Variants in MILR1 observed in about 807,000 individuals in gnomAD.
MILR1 encodes mast cell immunoglobulin like receptor 1, also known as allergin-1.
A neutral mutation model predicts 18.5 loss-of-function variants in MILR1; 31 were observed. The observed-to-expected ratio is 1.68, with a 90% confidence interval of 1.26 to 2.26. MILR1 has a LOEUF of 2.26. MILR1 is among the 30% of genes most tolerant of loss of function. The pLI is 0.00. For missense variants in MILR1, 257 were observed against 157.4 expected (o/e 1.63, Z -3.38); for synonymous variants, 85 against 56.2 (o/e 1.51, Z -2.30).
intron 9 of MILR1, chr17:64,467,859 C>T (rs192383176): frequency 6.5e-5 from 22 of 335,982 alleles, no homozygotes; most frequent in African/African-American, 3.4e-4. Context: ...CACTTGAGCC[C>T]GGGAGGCAGA....
At chr17:64,492,963 G>A in the MILR1 span, 12 of 1,613,552 alleles carry the variant, frequency 7.4e-6, 2 homozygotes, top group South Asian at 4.4e-5. Context: ...TCTGAGCAAG[G>A]CCATAAGGTA....
chr17:64,493,008 G>A, the MILR1 span: 1 of 1,613,936 alleles, frequency 6.2e-7, no homozygotes, highest in Non-Finnish European at 8.5e-7. Context: ...AATTAACATA[G>A]TGTTCCAAGG....
chr17:64,480,335 C>T, the MILR1 span: 1 of 1,601,568 alleles, frequency 6.2e-7, no homozygotes, highest in East Asian at 2.2e-5. Flanking sequence ...TCCAAATAAC[C>T]AGGCCACACA....
the MILR1 span, among the ~76,000 whole-genome samples, chr17:64,477,035 C>A: frequency 4.6e-5 from 7 of 152,090 alleles, no homozygotes; most frequent in Admixed American, 1.3e-4. Flanking sequence ...AAACAAACTA[C>A]AATATATGAC....
At chr17:64,471,466 G>A (rs1044081918), downstream of MILR1, among the ~76,000 whole-genome samples, 14 of 152,154 alleles carry the variant, frequency 9.2e-5, no homozygotes, top group Non-Finnish European at 8.8e-5. Flanking sequence ...TCTCACCCCA[G>A]GCACTGCAAA....
At chr17:64,495,467 T>C in the MILR1 span, among the ~76,000 whole-genome samples, 2 of 151,892 alleles carry the variant, frequency 1.3e-5, no homozygotes, top group Non-Finnish European at 2.9e-5. Context: ...GTAGTCCAGC[T>C]ACTTGGGAGG....
At chr17:64,493,328 G>A in the MILR1 span, among the ~76,000 whole-genome samples, 9 of 151,986 alleles carry the variant, frequency 5.9e-5, no homozygotes, top group African/African-American at 2.2e-4. Flanking sequence ...CTGGGAGGTG[G>A]ATCACTTTAG....
chr17:64,468,491 G>A lies in MILR1; in HGVS notation c.*210G>A, dbSNP rs547610598. On this transcript the variant is annotated 3_prime_UTR_variant, in exon 10 of 10. Transcript: ENST00000619286. Reference sequence around the variant, plus strand: ...TTTAGTAGAGATGGGGTTTCACTATGGTGGCCAGGCTGGTCTTGAACTCCT... The same window carrying A: ...TTTAGTAGAGATGGGGTTTCACTATAGTGGCCAGGCTGGTCTTGAACTCCT... The A allele has an allele frequency of 2.3e-6, 1 of 432,668 alleles. No homozygotes were observed. Among genetic ancestry groups the A allele is most frequent in the South Asian group, 2.1e-5 (1 of 48,106 alleles). The allele number at this position is 432,668 out of a possible 1,614,324, so 26.8% of individuals were successfully genotyped here.
downstream of MILR1, among the ~76,000 whole-genome samples, chr17:64,471,230 G>GTGT (rs1178583183): frequency 2.0e-5 from 3 of 152,096 alleles, no homozygotes; most frequent in Non-Finnish European, 4.4e-5. Context: ...CAGTACCAGG[G>GTGT]TGTTTTGCTG....
At chr17:64,480,318 C>T in the MILR1 span, 100 of 1,588,136 alleles carry the variant, frequency 6.3e-5, no homozygotes, top group Non-Finnish European at 8.1e-5. Flanking sequence ...ATGAGGACTG[C>T]ATAGTTTCCA....
At chr17:64,493,822 T>C in the MILR1 span, among the ~76,000 whole-genome samples, 1 of 152,150 alleles carries the variant, frequency 6.6e-6, no homozygotes, top group Non-Finnish European at 1.5e-5. Context: ...GAAAAAATAA[T>C]AAACATCCAT....
intron 2 of MILR1, 128 bp from the exon 3 acceptor site, chr17:64,452,469 T>C (rs1307161094): frequency 1.0e-5 from 4 of 400,334 alleles, no homozygotes; most frequent in Non-Finnish European, 1.8e-5. Context: ...CCCAGACTGG[T>C]ATCAAACTCA....
At chr17:64,485,537 C>A in the MILR1 span, 1 of 607,502 alleles carries the variant, frequency 1.6e-6, no homozygotes. Flanking sequence ...ATTAGGGATG[C>A]CTTGTTCTAT....
intron 3 of MILR1, among the ~76,000 whole-genome samples, chr17:64,456,248 C>T (rs1047542229): frequency 1.1e-4 from 17 of 150,560 alleles, no homozygotes; most frequent in East Asian, 3.9e-4. Flanking sequence ...GTGACTGGCA[C>T]GCCTGGCACA....
chr17:64,494,969 A>C, the MILR1 span, among the ~76,000 whole-genome samples: 42,142 of 151,250 alleles, frequency 0.28, 11,328 homozygotes, highest in African/African-American at 0.7. Context: ...GTCAGGAGAT[A>C]GAGACCATCC....
the MILR1 span, among the ~76,000 whole-genome samples, chr17:64,476,788 G>A: frequency 1.3e-5 from 2 of 151,234 alleles, no homozygotes; most frequent in Admixed American, 1.3e-4. Flanking sequence ...CGGAGTGAAA[G>A]ATCAGCTTAG....
the MILR1 span, among the ~76,000 whole-genome samples, chr17:64,495,486 G>A: frequency 6.6e-6 from 1 of 151,934 alleles, no homozygotes; most frequent in Admixed American, 6.6e-5. Flanking sequence ...GGCTGAGGTG[G>A]GAGGTTCACT....
chr17:64,495,195 G>GAAAAAAAAA, the MILR1 span, among the ~76,000 whole-genome samples: 1 of 123,062 alleles, frequency 8.1e-6, no homozygotes. Context: ...AAAAAAAAAG[G>GAAAAAAAAA]AACCAGGATC....
the MILR1 span, chr17:64,490,372 A>G: frequency 4.3e-6 from 1 of 234,436 alleles, no homozygotes; most frequent in East Asian, 1.1e-4. Context: ...CCACTTCTGT[A>G]GTACTCCCGA....
Sources: gnomAD v4.1 joint callset for allele counts (sites outside exome capture counted in the v4.1 genomes callset) on GRCh38, gnomAD v4.1.1 for gene constraint, MANE v1.5 for transcripts, NCBI Gene and HGNC (gene_info 2026-07-23, HGNC 2026-07-21) for gene names.